SUPT3H: variants seen among roughly 807,000 people sequenced by gnomAD.
SUPT3H encodes the protein SPT3 homolog, SAGA and STAGA complex component, also known as transcription initiation protein SPT3 homolog.
In SUPT3H, 44 loss-of-function variants were observed where a neutral mutation model predicts 44.3. The ratio of observed to expected loss-of-function variants is 0.99; its 90% CI spans 0.78 to 1.28. SUPT3H has a LOEUF of 1.28. Among genes scored for constraint, SUPT3H ranks in the 50% most tolerant of loss-of-function variants. The pLI, the probability that SUPT3H is intolerant of heterozygous loss-of-function variation, is 0.00. For missense variants in SUPT3H, 380 were observed against 387.1 expected, an observed-to-expected ratio of 0.98 and a Z score of 0.15; for synonymous variants, 124 against 125.6, an observed-to-expected ratio of 0.99 and a Z score of 0.09.
chr6:44,906,766 A>T (rs930827441), intron 10 of SUPT3H, among the ~76,000 whole-genome samples: 1 of 152,196 alleles, frequency 6.6e-6, no homozygotes, highest in African/African-American at 2.4e-5. Context: ...CGTCTCAAAA[A>T]ACAAACAAAA....
intron 10 of SUPT3H, among the ~76,000 whole-genome samples, chr6:44,916,251 C>CT (rs1172989229): frequency 6.6e-6 from 1 of 152,210 alleles, no homozygotes; most frequent in Non-Finnish European, 1.5e-5. Flanking sequence ...TCACAATACA[C>CT]TGCATCTTTC....
At chr6:44,817,335 C>T (rs1023337326) in intron 11 of SUPT3H, among the ~76,000 whole-genome samples, 3 of 151,858 alleles carry the variant, frequency 2.0e-5, no homozygotes, top group Non-Finnish European at 2.9e-5. Context: ...AGGAAACTTC[C>T]TTAATGTGAT....
chr6:44,999,966 T>C (rs1389460261), intron 6 of SUPT3H, among the ~76,000 whole-genome samples: 1 of 152,032 alleles, frequency 6.6e-6, no homozygotes, highest in Non-Finnish European at 1.5e-5. Flanking sequence ...ACTTTTACCT[T>C]TTAAATAATC....
intron 2 of SUPT3H, among the ~76,000 whole-genome samples, chr6:45,107,689 C>T (rs1469979392): frequency 2.0e-5 from 3 of 152,008 alleles, no homozygotes; most frequent in Admixed American, 6.5e-5. Context: ...GAACATATTT[C>T]GAACAAATAA....
intron 10 of SUPT3H, among the ~76,000 whole-genome samples, chr6:44,832,089 GC>G (rs1561850359): frequency 6.6e-6 from 1 of 152,052 alleles, no homozygotes; most frequent in African/African-American, 2.4e-5. Flanking sequence ...TTGAGTCACT[GC>G]TTTTTCCTTT....
chr6:44,895,949 C>T (rs1764063283), intron 10 of SUPT3H, among the ~76,000 whole-genome samples: 1 of 151,872 alleles, frequency 6.6e-6, no homozygotes, highest in African/African-American at 2.4e-5. Flanking sequence ...TTCTACCTTC[C>T]TAGGTAGTGA....
intron 2 of SUPT3H, among the ~76,000 whole-genome samples, chr6:45,110,348 G>A (rs1004717022): frequency 6.6e-5 from 10 of 152,114 alleles, no homozygotes; most frequent in Non-Finnish European, 1.3e-4. Context: ...GATCCAGGAG[G>A]ATGAATGCTG....
chr6:45,062,833 G>A (rs1320258713), intron 3 of SUPT3H, among the ~76,000 whole-genome samples: 8 of 152,042 alleles, frequency 5.3e-5, no homozygotes, highest in Non-Finnish European at 1.2e-4. Flanking sequence ...CTCCCTGATT[G>A]CTAGCACAGC....
chr6:44,890,991 C>A (rs1763221756), intron 10 of SUPT3H, among the ~76,000 whole-genome samples: 1 of 143,800 alleles, frequency 7.0e-6, no homozygotes, highest in South Asian at 2.1e-4. Context: ...GGTTGGGGGA[C>A]TAGGGGAGGG....
At chr6:45,115,971 CTTA>C (rs1455873428) in intron 2 of SUPT3H, among the ~76,000 whole-genome samples, 2 of 152,110 alleles carry the variant, frequency 1.3e-5, no homozygotes. Flanking sequence ...TCTCATCTCT[CTTA>C]TTATAGATTA....
chr6:45,101,703 C>A (rs1455037369), intron 3 of SUPT3H, among the ~76,000 whole-genome samples: 2 of 151,728 alleles, frequency 1.3e-5, no homozygotes, highest in Non-Finnish European at 2.9e-5. Context: ...TGCTAAATAC[C>A]CTGATATGAT....
At chr6:45,021,726 A>G (rs1207469717) in intron 3 of SUPT3H, among the ~76,000 whole-genome samples, 1 of 152,058 alleles carries the variant, frequency 6.6e-6, no homozygotes, top group African/African-American at 2.4e-5. Flanking sequence ...CATTTGTGCT[A>G]AAGAAATTCT....
intron 2 of SUPT3H, among the ~76,000 whole-genome samples, chr6:45,166,689 TC>T (rs1809937301): frequency 6.8e-6 from 1 of 146,470 alleles, no homozygotes; most frequent in Non-Finnish European, 1.5e-5. Flanking sequence ...AAAAGCAAAA[TC>T]CCCAAAAATA....
chr6:45,242,592 G>A (rs762797123), intron 2 of SUPT3H, among the ~76,000 whole-genome samples: 1 of 152,152 alleles, frequency 6.6e-6, no homozygotes, highest in Non-Finnish European at 1.5e-5. Context: ...GAAAGCAGTA[G>A]ACTATAATGG....
intron 2 of SUPT3H, among the ~76,000 whole-genome samples, chr6:45,301,786 C>G (rs1396335673): frequency 1.3e-5 from 2 of 152,180 alleles, no homozygotes; most frequent in Non-Finnish European, 2.9e-5. Context: ...TTGAATTAAG[C>G]TGTACTTTGT....
At chr6:45,257,291 G>C (rs1426879274) in intron 2 of SUPT3H, among the ~76,000 whole-genome samples, 29 of 152,066 alleles carry the variant, frequency 1.9e-4, no homozygotes, top group Admixed American at 1.9e-3. Context: ...AATTATCCAA[G>C]GTCACAAACC....
chr6:45,350,842 T>C (rs1266571421), intron 2 of SUPT3H, among the ~76,000 whole-genome samples: 1 of 152,156 alleles, frequency 6.6e-6, no homozygotes, highest in Non-Finnish European at 1.5e-5. Context: ...GACGGATTTA[T>C]AATAGCTCAG....
rs1261356182 is a variant in SUPT3H, at chr6:45,288,583, GTATATA to G, written c.101+76612_101+76617del. ...TATATATGTATATATATATATATAT[GTATATA>G]TATATATGTGTATATATATATATGT... On this transcript the variant is annotated intron_variant, in intron 2 of 10. Transcript: ENST00000371459. Among the ~76,000 whole-genome samples the G allele has an allele frequency of 1.6e-3, 137 of 87,586 alleles. 2 individuals are homozygous for G. Among genetic ancestry groups the G allele is most frequent in the African/African-American group, 4.2e-3 (106 of 24,980 alleles). 57.5% of individuals were successfully genotyped at this position (87,586 alleles called of 152,430 possible). A position where few individuals can be genotyped will look rare whatever the true frequency, so the allele number is the denominator to read the frequency against.
chr6:45,267,527 G>A (rs1387117135), intron 2 of SUPT3H, among the ~76,000 whole-genome samples: 1 of 152,136 alleles, frequency 6.6e-6, no homozygotes. Context: ...AAATAGTTGA[G>A]ATATTAAGAA....
Sources: allele counts gnomAD v4.1 joint callset (sites outside exome capture counted in the v4.1 genomes callset), GRCh38; gene constraint gnomAD v4.1.1; transcripts MANE v1.5; gene names NCBI Gene and HGNC (gene_info 2026-07-23, HGNC 2026-07-21).